The following CDC14A variants were observed in gnomAD, a reference collection of about 807,000 sequenced individuals.
CDC14A encodes cell division cycle 14A, also known as dual specificity protein phosphatase CDC14A.
CDC14A carries 53 observed loss-of-function variants against 74.4 expected under a neutral mutation model. The observed-to-expected ratio is 0.71, with a 90% CI of 0.57 to 0.89. CDC14A has a LOEUF of 0.89. CDC14A is among the 40% of genes least tolerant of loss of function. The pLI, the probability that CDC14A is intolerant of heterozygous loss-of-function variation, is 0.00. For missense variants in CDC14A, 646 were observed against 713.7 expected (o/e 0.91, Z 1.08); for synonymous variants, 247 against 258.4 (o/e 0.96, Z 0.43).
At chr1:100,361,121 A>C (rs936696924) in intron 2 of CDC14A, among the ~76,000 whole-genome samples, 3 of 152,082 alleles carry the variant, frequency 2.0e-5, no homozygotes, top group African/African-American at 7.2e-5. Context: ...AACAACAAAA[A>C]ACAAAAAACA....
intron 9 of CDC14A, among the ~76,000 whole-genome samples, chr1:100,463,662 G>A (rs1398429019): frequency 2.0e-5 from 3 of 152,164 alleles, no homozygotes; most frequent in Admixed American, 2.0e-4. Context: ...CATGCATTCT[G>A]TATTTTATCT....
At chr1:100,400,463 G>A (rs1475402754) in intron 4 of CDC14A, among the ~76,000 whole-genome samples, 1 of 152,092 alleles carries the variant, frequency 6.6e-6, no homozygotes, top group Non-Finnish European at 1.5e-5. Context: ...GTGGCTTGTT[G>A]GTAAATCTAA....
upstream of CDC14A, chr1:100,351,681 G>A (rs1341043150): frequency 4.1e-6 from 6 of 1,456,374 alleles, no homozygotes; most frequent in African/African-American, 7.0e-5. Flanking sequence ...CGGGACCGGA[G>A]CACTGTAAAG....
In CDC14A at chr1:100,499,119, A is replaced by C; in HGVS notation, c.1612A>C (p.Arg538=). The C allele has an allele frequency of 6.2e-7, 1 of 1,614,212 alleles. No individual in the cohort carries two copies. The highest frequency in any genetic ancestry group is 1.1e-5 in the South Asian group (1 of 91,086). ...TGAGCTCAACAATAATCAGTACAAC[A>C]GAAGCAGCAACAGCAACGGGGGCAA... is the stretch of plus-strand genomic sequence containing the variant. The part of the protein sequence containing the change: ...YPELNNNQYN[R]SSNSNGGNLN... Residue 538 remains arginine (R), a synonymous_variant, in exon 15 of 16, where the codon AGA becomes CGA. Coordinates refer to ENST00000336454, the MANE Select transcript of CDC14A (RefSeq NM_003672.4).
chr1:100,515,225 G>A (rs184383062), intron 15 of CDC14A, among the ~76,000 whole-genome samples: 2 of 152,048 alleles, frequency 1.3e-5, no homozygotes, highest in Non-Finnish European at 2.9e-5. Context: ...GCACAACCCC[G>A]TAGGATAACC....
At chr1:100,416,980 A>G (rs1334904638) in intron 4 of CDC14A, among the ~76,000 whole-genome samples, 1 of 152,186 alleles carries the variant, frequency 6.6e-6, no homozygotes, top group African/African-American at 2.4e-5. Context: ...AGTGTGTGCT[A>G]CATGCCAGGC....
intron 4 of CDC14A, among the ~76,000 whole-genome samples, chr1:100,407,381 C>T (rs1419548045): frequency 3.3e-5 from 5 of 152,130 alleles, no homozygotes; most frequent in Non-Finnish European, 7.4e-5. Flanking sequence ...TTTCTTTGAG[C>T]AGTGGTTTGT....
intron 7 of CDC14A, among the ~76,000 whole-genome samples, chr1:100,454,321 G>A (rs1383727729): frequency 6.6e-6 from 1 of 151,960 alleles, no homozygotes; most frequent in Non-Finnish European, 1.5e-5. Context: ...TTGCTTCCCT[G>A]CCCTGAGGAT....
At chr1:100,380,763 G>A (rs749503932) in intron 3 of CDC14A, among the ~76,000 whole-genome samples, 1 of 152,158 alleles carries the variant, frequency 6.6e-6, no homozygotes, top group Non-Finnish European at 1.5e-5. Context: ...ATGATTTCAT[G>A]CACTAATTTA....
At chr1:100,410,096 C>G (rs1394203450) in intron 4 of CDC14A, among the ~76,000 whole-genome samples, 1 of 151,846 alleles carries the variant, frequency 6.6e-6, no homozygotes, top group African/African-American at 2.4e-5. Context: ...TCTGTAGTCT[C>G]AGCTACTTGG....
Position 100,360,914 on chromosome 1 carries a change from T to A in CDC14A, c.140+7062T>A, listed in dbSNP as rs549431419. ...AGAGCTCCAAGTGGGCTGCAGGAGA[T>A]CCCAGTGGGGAGCTGTCAGCCTTCC... is the stretch of plus-strand genomic sequence containing the variant. On this transcript the variant is annotated intron_variant, in intron 2 of 15. Transcript: ENST00000336454. Among the ~76,000 whole-genome samples the A allele has an allele frequency of 2.1e-3, 327 of 152,192 alleles. 1 individual carries two copies. Among genetic ancestry groups the A allele is most frequent in the Middle Eastern group, 0.014 (4 of 294 alleles).
At chr1:100,485,049 G>T (rs1669891773) in intron 11 of CDC14A, 1 of 985,262 alleles carries the variant, frequency 1.0e-6, no homozygotes, top group Non-Finnish European at 1.2e-6. Flanking sequence ...TTCAATCCAT[G>T]TCTGTCTGAG....
At chr1:100,438,497 C>T (rs1664583677) in intron 5 of CDC14A, among the ~76,000 whole-genome samples, 2 of 152,068 alleles carry the variant, frequency 1.3e-5, no homozygotes, top group South Asian at 2.1e-4. Context: ...TGGCATAGCC[C>T]ATTAAAATTT....
Position 100,379,931 on chromosome 1 carries a change from C to T in CDC14A, c.216+2310C>T, listed in dbSNP as rs186513272. Among the ~76,000 whole-genome samples the T allele has an allele frequency of 3.6e-3, 542 of 152,270 alleles. 5 individuals carry two copies. The highest frequency in any genetic ancestry group is 3.6e-3 in the Non-Finnish European group (242 of 68,028). ...AGAGTGAAAACCCACTCAATCCCCTCAGAATGGCACCGAGCCGTTCATGAG... is the reference window on the plus strand; with the variant it reads ...AGAGTGAAAACCCACTCAATCCCCTTAGAATGGCACCGAGCCGTTCATGAG... On this transcript the variant is annotated intron_variant, in intron 3 of 15. Coordinates refer to ENST00000336454, the MANE Select transcript of CDC14A (RefSeq NM_003672.4).
intron 6 of CDC14A, among the ~76,000 whole-genome samples, chr1:100,441,044 A>G (rs766372615): frequency 3.9e-5 from 6 of 152,176 alleles, no homozygotes; most frequent in Non-Finnish European, 8.8e-5. Context: ...CATTTGGAAA[A>G]TATGCCTGAG....
At chr1:100,466,572 C>T (rs1319933304) in intron 9 of CDC14A, among the ~76,000 whole-genome samples, 1 of 152,046 alleles carries the variant, frequency 6.6e-6, no homozygotes, top group Non-Finnish European at 1.5e-5. Flanking sequence ...ATGAATACTT[C>T]TTAAAAAGGA....
intron 4 of CDC14A, among the ~76,000 whole-genome samples, chr1:100,416,748 T>C (rs1007049540): frequency 1.3e-5 from 2 of 152,222 alleles, no homozygotes; most frequent in African/African-American, 4.8e-5. Context: ...AGCTATGTGC[T>C]AGATATAATT....
chr1:100,462,586 T>C (rs768720973), intron 8 of CDC14A, 65 bp from the exon 9 acceptor site: 2 of 1,234,302 alleles, frequency 1.6e-6, no homozygotes, highest in African/African-American at 3.0e-5. Flanking sequence ...GTTGAGAGTT[T>C]TGTATTTCTG....
chr1:100,496,531 C>T (rs1472371900), intron 13 of CDC14A, among the ~76,000 whole-genome samples: 2 of 152,170 alleles, frequency 1.3e-5, no homozygotes, highest in Non-Finnish European at 2.9e-5. Context: ...CCCCTGAAAC[C>T]TCCGGGAGTG....
Sources: allele counts gnomAD v4.1 joint callset (sites outside exome capture counted in the v4.1 genomes callset), GRCh38; gene constraint gnomAD v4.1.1; transcripts MANE v1.5; gene names NCBI Gene and HGNC (gene_info 2026-07-23, HGNC 2026-07-21).